Variants in NAALADL2 observed in about 807,000 individuals in gnomAD.
NAALADL2 encodes the protein inactive N-acetylated-alpha-linked acidic dipeptidase-like protein 2.
NAALADL2 carries 76 observed loss-of-function variants against 87.2 expected under a neutral mutation model. The observed-to-expected ratio is 0.87, with a 90% confidence interval of 0.72 to 1.05. The LOEUF is 1.05. Among genes scored for constraint, NAALADL2 ranks in the 50% least tolerant of loss-of-function variants. The pLI is 0.00. For missense variants in NAALADL2, 1,089 were observed against 945.8 expected (o/e 1.15, Z -1.99); for synonymous variants, 354 against 331.0 (o/e 1.07, Z -0.75).
In NAALADL2 at chr3:175,708,622, G is replaced by A. The variant is rs548850017; in HGVS notation, c.1897-28684G>A. ...AGGATGAGAAAAAAAAAAACAAGAA[G>A]AAAAATAATTTGGTGTGTTTTGATT... On this transcript the variant is annotated intron_variant, in intron 11 of 13. Transcript: ENST00000454872. Among the ~76,000 whole-genome samples the A allele has an allele frequency of 1.3e-4, 19 of 151,024 alleles. No homozygotes were observed. In the East Asian group the frequency reaches 3.7e-3, roughly 29 times the overall value.
At chr3:174,793,222 G>C (rs565355912) in intron 3 of NAALADL2, among the ~76,000 whole-genome samples, 1 of 151,842 alleles carries the variant, frequency 6.6e-6, no homozygotes, top group Admixed American at 6.6e-5. Context: ...ATGATTTATC[G>C]TAATAATTAT....
At chr3:175,185,841 G>T (rs1737252194) in intron 2 of NAALADL2, among the ~76,000 whole-genome samples, 1 of 151,158 alleles carries the variant, frequency 6.6e-6, no homozygotes, top group African/African-American at 2.4e-5. Flanking sequence ...CAAAAAACAA[G>T]CCCTCAAAAC....
intron 1 of NAALADL2, among the ~76,000 whole-genome samples, chr3:175,007,331 T>G (rs1213556717): frequency 6.6e-6 from 1 of 152,010 alleles, no homozygotes; most frequent in African/African-American, 2.4e-5. Context: ...GTGTTGAAAA[T>G]AGATTTACCA....
intron 1 of NAALADL2, among the ~76,000 whole-genome samples, chr3:174,984,589 C>G (rs1745574467): frequency 6.6e-6 from 1 of 152,108 alleles, no homozygotes; most frequent in South Asian, 2.1e-4. Flanking sequence ...GATTCTGATG[C>G]ATGCCAAAAT....
intron 1 of NAALADL2, among the ~76,000 whole-genome samples, chr3:174,945,059 C>T (rs1739198152): frequency 6.6e-6 from 1 of 152,160 alleles, no homozygotes; most frequent in African/African-American, 2.4e-5. Context: ...CTACCCCCTC[C>T]CCATCTAGGT....
At chr3:174,470,073 A>C (rs1189080493) in intron 1 of NAALADL2, among the ~76,000 whole-genome samples, 1 of 130,220 alleles carries the variant, frequency 7.7e-6, no homozygotes, top group Non-Finnish European at 1.6e-5. Context: ...TCAGTTAGTT[A>C]CAGTGTTCTT....
chr3:175,793,350 C>A (rs1029910762), intron 13 of NAALADL2, among the ~76,000 whole-genome samples: 2 of 149,644 alleles, frequency 1.3e-5, no homozygotes, highest in Non-Finnish European at 3.0e-5. Context: ...TCTCTGTCGC[C>A]TGGGCTGGAG....
At chr3:175,779,356 C>T (rs1310787303) in intron 13 of NAALADL2, among the ~76,000 whole-genome samples, 1 of 152,148 alleles carries the variant, frequency 6.6e-6, no homozygotes, top group East Asian at 1.9e-4. Flanking sequence ...ATGAACTGTA[C>T]ACTTAGATGA....
intron 2 of NAALADL2, among the ~76,000 whole-genome samples, chr3:175,103,106 C>CAAAAAA (rs377685441): frequency 5.7e-5 from 7 of 122,234 alleles, no homozygotes; most frequent in Admixed American, 8.7e-5. Flanking sequence ...GACTCCGTCT[C>CAAAAAA]AAAAAAAAAA....
chr3:174,756,491 TA>T (rs979323246), intron 3 of NAALADL2, among the ~76,000 whole-genome samples: 5 of 152,216 alleles, frequency 3.3e-5, no homozygotes, highest in Non-Finnish European at 7.3e-5. Flanking sequence ...ATAATGGCTT[TA>T]AAAAAATTTC....
chr3:175,389,122 G>T (rs1226428402), intron 5 of NAALADL2, among the ~76,000 whole-genome samples: 1 of 151,984 alleles, frequency 6.6e-6, no homozygotes, highest in Non-Finnish European at 1.5e-5. Flanking sequence ...AAGCTAATTA[G>T]AGTAAGCAAC....
intron 10 of NAALADL2, among the ~76,000 whole-genome samples, chr3:175,590,212 AT>A (rs370049938): frequency 0.93 from 136,727 of 146,362 alleles, 63,551 homozygotes; most frequent in Admixed American, 0.96. Context: ...ACTCCGTCTA[AT>A]ATATATATAT....
intron 3 of NAALADL2, among the ~76,000 whole-genome samples, chr3:174,809,382 A>T (rs1057129169): frequency 6.6e-6 from 1 of 152,210 alleles, no homozygotes; most frequent in South Asian, 2.1e-4. Context: ...GTATTCAGAT[A>T]TGGCCTAAGA....
chr3:174,443,770 C>T (rs1365449232), intron 1 of NAALADL2, among the ~76,000 whole-genome samples: 3 of 151,914 alleles, frequency 2.0e-5, no homozygotes, highest in Non-Finnish European at 3.0e-5. Flanking sequence ...AAAAGAGCTG[C>T]ATTCCATGTA....
intron 1 of NAALADL2, among the ~76,000 whole-genome samples, chr3:174,468,514 G>A (rs550042681): frequency 3.4e-4 from 51 of 150,984 alleles, no homozygotes; most frequent in Admixed American, 1.3e-3. Context: ...CCAAGTAGCT[G>A]GGACTACGGG....
At chr3:174,652,639 G>T (rs931485929) in intron 2 of NAALADL2, among the ~76,000 whole-genome samples, 2 of 152,042 alleles carry the variant, frequency 1.3e-5, no homozygotes, top group African/African-American at 4.8e-5. Context: ...CCTCCCACAG[G>T]TCCCTCCCAC....
At chr3:174,725,309 A>C (rs1404639754) in intron 2 of NAALADL2, among the ~76,000 whole-genome samples, 1 of 152,074 alleles carries the variant, frequency 6.6e-6, no homozygotes, top group Non-Finnish European at 1.5e-5. Context: ...ACTACAAAAT[A>C]ATTAAAAACA....
chr3:175,084,024 A>G (rs73037228), intron 1 of NAALADL2, among the ~76,000 whole-genome samples: 346 of 152,322 alleles, frequency 2.3e-3, no homozygotes, highest in African/African-American at 7.9e-3. Context: ...AGTGGGAAGG[A>G]TCAGAATGGA....
At chr3:174,911,636 T>G (rs1733723626) in intron 1 of NAALADL2, among the ~76,000 whole-genome samples, 1 of 151,712 alleles carries the variant, frequency 6.6e-6, no homozygotes, top group Admixed American at 6.6e-5. Flanking sequence ...GTCACAAGAG[T>G]TTACATTCAT....
Sources: allele counts gnomAD v4.1 joint callset (sites outside exome capture counted in the v4.1 genomes callset), GRCh38; gene constraint gnomAD v4.1.1; transcripts MANE v1.5; gene names NCBI Gene and HGNC (gene_info 2026-07-23, HGNC 2026-07-21).